The following GLIS3 variants were observed in gnomAD, a reference collection of about 807,000 sequenced individuals.
The protein encoded by GLIS3 is zinc finger protein GLIS3.
In GLIS3, 53 loss-of-function variants were observed where a neutral mutation model predicts 78.6. That is an observed-to-expected ratio of 0.67 (90% CI 0.54 to 0.85). GLIS3 has a LOEUF of 0.85. Ranked by LOEUF, GLIS3 falls within the 40% of genes least tolerant of loss-of-function variation. GLIS3 has a pLI of 0.00. For synonymous variants in GLIS3, 684 were observed against 509.9 expected (o/e 1.34, Z -4.60); for missense variants, 1,703 against 1,231.1 (o/e 1.38, Z -5.74).
the GLIS3 span, among the ~76,000 whole-genome samples, chr9:4,483,135 C>T: frequency 3.2e-4 from 49 of 152,208 alleles, no homozygotes; most frequent in South Asian, 6.2e-3. Flanking sequence ...AAAAAAGAAT[C>T]GAAGTTAAAG....
At chr9:4,138,608 G>T (rs1010114750) in intron 2 of GLIS3, among the ~76,000 whole-genome samples, 7 of 152,132 alleles carry the variant, frequency 4.6e-5, no homozygotes, top group African/African-American at 1.7e-4. Flanking sequence ...AGGCAGCATG[G>T]GGGAAGCCGT....
At chr9:4,102,770 T>A (rs1334688109) in intron 4 of GLIS3, among the ~76,000 whole-genome samples, 1 of 152,188 alleles carries the variant, frequency 6.6e-6, no homozygotes, top group Non-Finnish European at 1.5e-5. Context: ...TCACCTTTTT[T>A]AAGCACTGGA....
chr9:4,336,458 GT>G (rs1817758968), intron 2 of GLIS3, among the ~76,000 whole-genome samples: 2 of 152,174 alleles, frequency 1.3e-5, no homozygotes, highest in African/African-American at 4.8e-5. Context: ...CATTGCTACA[GT>G]TTCTGGTGCC....
chr9:4,085,745 A>G (rs1207760326), intron 4 of GLIS3, among the ~76,000 whole-genome samples: 5 of 152,008 alleles, frequency 3.3e-5, no homozygotes, highest in Non-Finnish European at 7.4e-5. Context: ...AATTCTCATG[A>G]GATCTGGTTG....
chr9:4,144,148 A>G (rs1285101466), intron 2 of GLIS3, among the ~76,000 whole-genome samples: 1 of 152,196 alleles, frequency 6.6e-6, no homozygotes, highest in African/African-American at 2.4e-5. Flanking sequence ...ACCTTGCTCC[A>G]TAAATGCTGT....
chr9:3,863,294 G>C (rs1009807718), intron 8 of GLIS3, among the ~76,000 whole-genome samples: 2 of 152,194 alleles, frequency 1.3e-5, no homozygotes, highest in African/African-American at 4.8e-5. Flanking sequence ...GTTCAATCCA[G>C]ATTTGTCCCC....
At chr9:4,327,544 G>C (rs571782955) in intron 2 of GLIS3, among the ~76,000 whole-genome samples, 2 of 152,214 alleles carry the variant, frequency 1.3e-5, no homozygotes, top group East Asian at 3.9e-4. Flanking sequence ...AGGATGAATT[G>C]AAATGAATTG....
At chr9:4,319,946 T>C (rs1817497374) in intron 2 of GLIS3, among the ~76,000 whole-genome samples, 1 of 152,106 alleles carries the variant, frequency 6.6e-6, no homozygotes. Context: ...TTGTTCGGCC[T>C]ATAGAATTGG....
At chr9:4,307,616 A>C (rs1281909453) in intron 4 of GLIS3, among the ~76,000 whole-genome samples, 1 of 152,224 alleles carries the variant, frequency 6.6e-6, no homozygotes, top group Non-Finnish European at 1.5e-5. Context: ...AAAAGGACTT[A>C]AGGCTGTGGA....
chr9:3,940,716 C>T (rs1350723174), intron 4 of GLIS3, among the ~76,000 whole-genome samples: 5 of 152,094 alleles, frequency 3.3e-5, no homozygotes, highest in East Asian at 1.9e-4. Context: ...GGGAGACAAA[C>T]GCAGGGTGAC....
At chr9:4,131,250 T>A (rs746994892) in intron 2 of GLIS3, among the ~76,000 whole-genome samples, 1 of 152,192 alleles carries the variant, frequency 6.6e-6, no homozygotes, top group Non-Finnish European at 1.5e-5. Flanking sequence ...TCTTTAGACT[T>A]TGGACTTTTG....
the GLIS3 span, among the ~76,000 whole-genome samples, chr9:4,374,441 T>C: frequency 1.3e-5 from 2 of 152,248 alleles, no homozygotes; most frequent in South Asian, 2.1e-4. Flanking sequence ...GGGTCTAATA[T>C]GGATAGGATT....
intron 4 of GLIS3, among the ~76,000 whole-genome samples, chr9:4,306,289 G>A (rs545132782): frequency 9.3e-5 from 14 of 150,636 alleles, no homozygotes; most frequent in Non-Finnish European, 1.6e-4. Flanking sequence ...TGCCCAGGCT[G>A]TGGGTTTTTC....
At chr9:4,436,391 T>C in the GLIS3 span, among the ~76,000 whole-genome samples, 3 of 152,204 alleles carry the variant, frequency 2.0e-5, no homozygotes, top group Non-Finnish European at 4.4e-5. Context: ...CACGATAATA[T>C]TCACATTCTT....
At chr9:4,150,548 C>T (rs1402343026) in intron 2 of GLIS3, among the ~76,000 whole-genome samples, 3 of 152,144 alleles carry the variant, frequency 2.0e-5, no homozygotes, top group Admixed American at 6.6e-5. Context: ...CAGAAAATAT[C>T]GATTCCTCTT....
At chr9:3,955,821 G>A (rs190847955) in intron 4 of GLIS3, among the ~76,000 whole-genome samples, 2 of 152,216 alleles carry the variant, frequency 1.3e-5, no homozygotes, top group Admixed American at 1.3e-4. Flanking sequence ...AAATTTTCAT[G>A]ATAAGTTTAC....
chr9:4,425,727 T>C, the GLIS3 span, among the ~76,000 whole-genome samples: 24 of 152,212 alleles, frequency 1.6e-4, no homozygotes, highest in South Asian at 4.1e-4. Flanking sequence ...GATGTGCCTT[T>C]ACCTAGTACC....
At chr9:3,833,081 A>G (rs2129979965) in intron 9 of GLIS3, among the ~76,000 whole-genome samples, 1 of 152,330 alleles carries the variant, frequency 6.6e-6, no homozygotes, top group Admixed American at 6.5e-5. Flanking sequence ...TATCAAATCC[A>G]ACATTCTGGG....
At chr9:4,234,071 A>T (rs1183404314) in intron 2 of GLIS3, among the ~76,000 whole-genome samples, 1 of 152,182 alleles carries the variant, frequency 6.6e-6, no homozygotes, top group Non-Finnish European at 1.5e-5. Context: ...AGCTTGAGGG[A>T]ATTTTGTGGT....
Sources: allele counts gnomAD v4.1 joint callset (sites outside exome capture counted in the v4.1 genomes callset), GRCh38; gene constraint gnomAD v4.1.1; transcripts MANE v1.5; gene names NCBI Gene and HGNC (gene_info 2026-07-23, HGNC 2026-07-21).